The following MSRB2 variants were observed in gnomAD, a reference collection of about 807,000 sequenced individuals.
MSRB2 encodes methionine-R-sulfoxide reductase B2, mitochondrial.
MSRB2 carries 17 observed loss-of-function variants against 19.0 expected under a neutral mutation model. The observed-to-expected ratio is 0.89, with a 90% CI of 0.61 to 1.34. The LOEUF is 1.34. MSRB2 is among the 40% of genes most tolerant of loss of function. The pLI is 0.00. For synonymous variants in MSRB2, 107 were observed against 99.7 expected (o/e 1.07, Z -0.44); for missense variants, 208 against 237.6 (o/e 0.88, Z 0.82).
intron 1 of MSRB2, among the ~76,000 whole-genome samples, chr10:23,101,058 A>T (rs1839921457): frequency 1.3e-5 from 2 of 152,152 alleles, no homozygotes; most frequent in South Asian, 4.1e-4. Context: ...TGTTACATGA[A>T]TAAGTTCTTT....
At chr10:23,105,889 G>A (rs761339242) in intron 2 of MSRB2, among the ~76,000 whole-genome samples, 1 of 152,208 alleles carries the variant, frequency 6.6e-6, no homozygotes, top group Non-Finnish European at 1.5e-5. Flanking sequence ...ACTTCCTGTA[G>A]GCGGGATTTT....
At chr10:23,115,429 CTAAG>C (rs1840101018) in intron 3 of MSRB2, among the ~76,000 whole-genome samples, 1 of 152,126 alleles carries the variant, frequency 6.6e-6, no homozygotes, top group Non-Finnish European at 1.5e-5. Context: ...CCATGAGTAA[CTAAG>C]TAATATTGTT....
rs56042244 is a variant in MSRB2 at position 23,100,628 on chromosome 10, A to C, written c.119-3516A>C. Among the ~76,000 whole-genome samples, 1,479 of 152,272 alleles carry C rather than the reference A, an allele frequency of 9.7e-3. 21 individuals are homozygous for C. Among genetic ancestry groups the C allele is most frequent in the African/African-American group, 0.035 (1,436 of 41,552 alleles). On this transcript the variant is annotated intron_variant, in intron 1 of 4. Transcript: ENST00000376510. ...TACATGGTCAGAGCAGGAGGAAGAG[A>C]GAGAGGGGGAGGTGAACTTTTAAAC...
rs748294565 is a variant in MSRB2 at position 23,121,861 on chromosome 10, C to G, written c.*999C>G. 6.6e-6 allele frequency: 1 copy of G among 152,100 alleles called. No individual in the cohort carries two copies. The highest frequency in any genetic ancestry group is 1.5e-5 in the Non-Finnish European group (1 of 68,024). 9.4% of individuals were successfully genotyped at this position (152,100 alleles called of 1,614,324 possible). A position where few individuals can be genotyped will look rare whatever the true frequency, so the allele number is the denominator to read the frequency against. ...ACTTTTTTTTCAAAATTTTAAATGT[C>G]TTGAGCATGCTACTTCCAACCATTC... On this transcript the variant is annotated 3_prime_UTR_variant, in exon 5 of 5. Coordinates refer to ENST00000376510, the MANE Select transcript of MSRB2 (RefSeq NM_012228.4).
chr10:23,110,297 G>C lies in MSRB2; in HGVS notation c.275G>C (p.Cys92Ser). 1 of 1,613,868 alleles carries C rather than the reference G, an allele frequency of 6.2e-7. No homozygotes were observed. Among genetic ancestry groups the C allele is most frequent in the Non-Finnish European group, 8.5e-7 (1 of 1,179,864 alleles). ...NKEAGMYHCV[C>S]CDSPLFSSEK... Reference sequence around the variant, plus strand: ...GAAGCAGGAATGTATCATTGCGTGTGCTGCGACAGTCCACTCTTCAGGTAA... The same window carrying C: ...GAAGCAGGAATGTATCATTGCGTGTCCTGCGACAGTCCACTCTTCAGGTAA... Residue 92 changes from cysteine to serine, a missense_variant, in exon 3 of 5, where the codon TGC becomes TCC. Cys to Ser is a moderately radical substitution (Grantham distance 112). Coordinates refer to ENST00000376510, the MANE Select transcript of MSRB2 (RefSeq NM_012228.4).
intron 2 of MSRB2, among the ~76,000 whole-genome samples, chr10:23,109,279 G>A (rs972212275): frequency 6.6e-6 from 1 of 152,238 alleles, no homozygotes; most frequent in Non-Finnish European, 1.5e-5. Flanking sequence ...GCCGGGTGCA[G>A]TGGCTCATGC....
intron 1 of MSRB2, 150 bp downstream of exon 1, chr10:23,095,876 G>A (rs1839857788): frequency 4.5e-6 from 2 of 440,702 alleles, no homozygotes; most frequent in Non-Finnish European, 7.3e-6. Flanking sequence ...CCCAGCCCGA[G>A]GATCTGGGAC....
intron 1 of MSRB2, among the ~76,000 whole-genome samples, chr10:23,096,093 C>G (rs1016688728): frequency 1.3e-5 from 2 of 152,008 alleles, no homozygotes; most frequent in Non-Finnish European, 2.9e-5. Context: ...GCCCGGCCCG[C>G]GCGCCCCTGC....
intron 3 of MSRB2, 55 bp downstream of exon 3, chr10:23,110,373 G>A: frequency 7.2e-7 from 1 of 1,387,344 alleles, no homozygotes; most frequent in Non-Finnish European, 1.0e-6. Context: ...GGTTCTTACT[G>A]CTTTGTTTCA....
intron 3 of MSRB2, 103 bp from the exon 4 acceptor site, chr10:23,119,201 A>T: frequency 7.2e-7 from 1 of 1,395,330 alleles, no homozygotes; most frequent in Non-Finnish European, 1.0e-6. Flanking sequence ...GGCAGAGGAG[A>T]GTGGGAACAG....
intron 3 of MSRB2, among the ~76,000 whole-genome samples, chr10:23,118,337 G>GTTTTT (rs35011086): frequency 8.4e-4 from 77 of 92,154 alleles, no homozygotes; most frequent in Non-Finnish European, 9.3e-4. Context: ...TTAGTTTTTT[G>GTTTTT]TTTTTTTTTT....
chr10:23,106,796 C>T (rs532022506), intron 2 of MSRB2, among the ~76,000 whole-genome samples: 4 of 152,314 alleles, frequency 2.6e-5, no homozygotes, highest in East Asian at 1.9e-4. Flanking sequence ...CCCAGGGATG[C>T]GTTGCCCTCA....
chr10:23,103,808 C>T (rs914882389), intron 1 of MSRB2, among the ~76,000 whole-genome samples: 1 of 152,186 alleles, frequency 6.6e-6, no homozygotes, highest in Non-Finnish European at 1.5e-5. Flanking sequence ...CTCTAAAAGT[C>T]ATCAGAGAAG....
intron 1 of MSRB2, among the ~76,000 whole-genome samples, chr10:23,099,684 A>G (rs1186680234): frequency 6.6e-6 from 1 of 152,202 alleles, no homozygotes; most frequent in Non-Finnish European, 1.5e-5. Flanking sequence ...ATGCGTATGA[A>G]TAGCCATTGT....
At chr10:23,108,491 T>TTTTTTG (rs1840008143) in intron 2 of MSRB2, among the ~76,000 whole-genome samples, 1 of 151,030 alleles carries the variant, frequency 6.6e-6, no homozygotes, top group Admixed American at 6.6e-5. Flanking sequence ...TTTTTTTTTT[T>TTTTTTG]TTGAGATGGA....
intron 2 of MSRB2, among the ~76,000 whole-genome samples, chr10:23,108,730 C>T (rs745619020): frequency 2.0e-5 from 3 of 151,964 alleles, no homozygotes; most frequent in Non-Finnish European, 4.4e-5. Flanking sequence ...CCTGTCTCGG[C>T]CCCCCAAAGT....
chr10:23,111,630 G>A (rs904548496), intron 3 of MSRB2, among the ~76,000 whole-genome samples: 2 of 152,162 alleles, frequency 1.3e-5, no homozygotes, highest in African/African-American at 4.8e-5. Context: ...GAATACTGGA[G>A]CCAGGAGGGT....
At chr10:23,119,111 G>A in intron 3 of MSRB2, 193 bp from the exon 4 acceptor site, 2 of 706,600 alleles carry the variant, frequency 2.8e-6, no homozygotes, top group South Asian at 1.5e-5. Context: ...TCCACTTCGA[G>A]AGGCAATGGC....
intron 3 of MSRB2, among the ~76,000 whole-genome samples, chr10:23,113,610 C>G (rs1041354852): frequency 1.3e-5 from 2 of 152,284 alleles, no homozygotes; most frequent in East Asian, 3.9e-4. Flanking sequence ...GTCTTAATCC[C>G]TGTAAGCTGG....
Sources: gnomAD v4.1 joint callset for allele counts (sites outside exome capture counted in the v4.1 genomes callset) on GRCh38, gnomAD v4.1.1 for gene constraint, MANE v1.5 for transcripts, NCBI Gene and HGNC (gene_info 2026-07-23, HGNC 2026-07-21) for gene names.